HIVEP2: variants seen among roughly 807,000 people sequenced by gnomAD.
HIVEP2 encodes the protein HIVEP zinc finger 2.
HIVEP2 carries 14 observed loss-of-function variants against 180.7 expected under a neutral mutation model. The ratio of observed to expected loss-of-function variants is 0.08; its 90% CI spans 0.05 to 0.12. The LOEUF is 0.12. Ranked by LOEUF, HIVEP2 falls within the 10% of genes least tolerant of loss-of-function variation. HIVEP2 has a pLI of 1.00. For synonymous variants in HIVEP2, 1,184 were observed against 1,136.4 expected, an observed-to-expected ratio of 1.04 and a Z score of -0.84; for missense variants, 2,579 against 3,008.5, an observed-to-expected ratio of 0.86 and a Z score of 3.34.
Position 142,801,322 on chromosome 6 carries a change from T to C in HIVEP2, c.-527-17707A>G, listed in dbSNP as rs543906031. On this transcript the variant is annotated intron_variant, in intron 2 of 9. Transcript: ENST00000367603. The stretch of plus-strand genomic sequence containing the variant: ...ATAAAATACATTCTCACCAGAAGAA[T>C]TGCTTGAACCCAGGAGGCGGAGGTT... Among the ~76,000 whole-genome samples the C allele has an allele frequency of 2.7e-5, 4 of 150,426 alleles. No individual in the cohort carries two copies. In the South Asian group the frequency reaches 6.3e-4, roughly 24 times the overall value.
At chr6:142,854,593 T>G (rs1440077167) in intron 1 of HIVEP2, among the ~76,000 whole-genome samples, 3 of 152,154 alleles carry the variant, frequency 2.0e-5, no homozygotes, top group Admixed American at 2.0e-4. Context: ...AGATGTCCAA[T>G]CAAGACAGCC....
At chr6:142,867,684 C>A (rs1776174931) in intron 1 of HIVEP2, among the ~76,000 whole-genome samples, 1 of 151,984 alleles carries the variant, frequency 6.6e-6, no homozygotes, top group South Asian at 2.1e-4. Context: ...CTGAGCCAAT[C>A]AAAAAAACAG....
intron 2 of HIVEP2, among the ~76,000 whole-genome samples, chr6:142,787,369 T>G (rs180900393): frequency 1.5e-4 from 22 of 151,152 alleles, no homozygotes; most frequent in African/African-American, 5.1e-4. Context: ...GTAAAAAGAG[T>G]GTTTAAGTAT....
chr6:142,885,956 C>T (rs1776687756), intron 1 of HIVEP2, among the ~76,000 whole-genome samples: 1 of 151,816 alleles, frequency 6.6e-6, no homozygotes, highest in Non-Finnish European at 1.5e-5. Flanking sequence ...GAAATACAGC[C>T]TTACTTGCTT....
At chr6:142,938,043 A>G (rs1418765353) in intron 1 of HIVEP2, among the ~76,000 whole-genome samples, 1 of 152,158 alleles carries the variant, frequency 6.6e-6, no homozygotes, top group Non-Finnish European at 1.5e-5. Flanking sequence ...ATTCTCTACA[A>G]CTACAAAGTA....
chr6:142,890,778 T>C lies in HIVEP2; in HGVS notation c.-640-53731A>G, dbSNP rs1371886989. ...GAAAGTAATACAAAAAACACTTAAA[T>C]CTCTATCTTGTATATTACTACAGAA... On this transcript the variant is annotated intron_variant, in intron 1 of 9. Coordinates refer to ENST00000367603, the MANE Select transcript of HIVEP2 (RefSeq NM_006734.4). 3.9e-5 allele frequency among the ~76,000 whole-genome samples: 6 copies of C among 152,316 alleles called. No individual in the cohort carries two copies. The East Asian group carries it at 1.2e-3, about 29-fold the overall frequency.
At chr6:142,759,054 C>T (rs1775151740) in intron 9 of HIVEP2, among the ~76,000 whole-genome samples, 1 of 152,108 alleles carries the variant, frequency 6.6e-6, no homozygotes, top group African/African-American at 2.4e-5. Context: ...GTAATCCTAG[C>T]ACTTTGGGAG....
At chr6:142,871,528 A>G (rs1193667730) in intron 1 of HIVEP2, among the ~76,000 whole-genome samples, 1 of 152,222 alleles carries the variant, frequency 6.6e-6, no homozygotes, top group Non-Finnish European at 1.5e-5. Context: ...CTTTATTAAA[A>G]TAATTCTATC....
At chr6:142,843,794 A>C (rs1775433098) in intron 1 of HIVEP2, among the ~76,000 whole-genome samples, 1 of 152,306 alleles carries the variant, frequency 6.6e-6, no homozygotes, top group African/African-American at 2.4e-5. Context: ...CAGCAGCAAT[A>C]GTGTTATGAA....
chr6:142,874,564 C>A (rs1181420146), intron 1 of HIVEP2, among the ~76,000 whole-genome samples: 1 of 151,922 alleles, frequency 6.6e-6, no homozygotes, highest in Non-Finnish European at 1.5e-5. Context: ...AAACCATAGC[C>A]CTATGCCTAA....
At chr6:142,812,526 C>T (rs1187749422) in intron 2 of HIVEP2, among the ~76,000 whole-genome samples, 2 of 152,054 alleles carry the variant, frequency 1.3e-5, no homozygotes, top group African/African-American at 2.4e-5. Flanking sequence ...AACAAACCTC[C>T]GTAAAATTTT....
intron 2 of HIVEP2, among the ~76,000 whole-genome samples, chr6:142,787,566 CAAAAAA>C (rs5880546): frequency 8.5e-6 from 1 of 118,236 alleles, no homozygotes. Context: ...TTCCTCTCTA[CAAAAAA>C]AAAAAAAAAA....
intron 2 of HIVEP2, among the ~76,000 whole-genome samples, chr6:142,831,763 A>G (rs1246876707): frequency 6.6e-6 from 1 of 152,200 alleles, no homozygotes; most frequent in Non-Finnish European, 1.5e-5. Context: ...TTTGCACTAC[A>G]AAATTCATAA....
chr6:142,843,159 C>T (rs768233904), intron 1 of HIVEP2, among the ~76,000 whole-genome samples: 4 of 152,070 alleles, frequency 2.6e-5, no homozygotes, highest in Non-Finnish European at 5.9e-5. Context: ...GTTCTGATTC[C>T]GAAAGTCTAC....
At chr6:142,768,278 T>C in intron 6 of HIVEP2, 104 bp downstream of exon 6, 1 of 1,057,710 alleles carries the variant, frequency 9.5e-7, no homozygotes, top group Non-Finnish European at 1.4e-6. Flanking sequence ...GAATTTACTT[T>C]CAGCTTTCAA....
At chr6:142,898,502 A>C (rs1777054630) in intron 1 of HIVEP2, among the ~76,000 whole-genome samples, 3 of 151,962 alleles carry the variant, frequency 2.0e-5, no homozygotes, top group Admixed American at 2.0e-4. Context: ...TCTCTACTAA[A>C]AATAAAAAAA....
chr6:142,800,200 A>G (rs1253109763), intron 2 of HIVEP2, among the ~76,000 whole-genome samples: 1 of 152,202 alleles, frequency 6.6e-6, no homozygotes, highest in Admixed American at 6.5e-5. Context: ...CTAGGAAGAC[A>G]GCATCACCAC....
intron 1 of HIVEP2, among the ~76,000 whole-genome samples, chr6:142,880,551 G>T (rs1776555168): frequency 6.6e-6 from 1 of 152,148 alleles, no homozygotes; most frequent in Non-Finnish European, 1.5e-5. Flanking sequence ...AGGCCTGGGA[G>T]CTTTATACCT....
intron 1 of HIVEP2, among the ~76,000 whole-genome samples, chr6:142,905,009 T>C (rs1297116549): frequency 6.6e-6 from 1 of 152,224 alleles, no homozygotes; most frequent in East Asian, 1.9e-4. Flanking sequence ...GACTTAATTA[T>C]ATTTTCTTAA....
Sources: allele counts gnomAD v4.1 joint callset (sites outside exome capture counted in the v4.1 genomes callset), GRCh38; gene constraint gnomAD v4.1.1; transcripts MANE v1.5; gene names NCBI Gene and HGNC (gene_info 2026-07-23, HGNC 2026-07-21).